The following NRG1 variants were observed in gnomAD, a reference collection of about 807,000 sequenced individuals.
The protein encoded by NRG1 is pro-neuregulin-1, membrane-bound isoform.
Under a neutral mutation model 63.8 loss-of-function variants are expected in NRG1, and 18 were observed. The ratio of observed to expected loss-of-function variants is 0.28; its 90% confidence interval spans 0.19 to 0.42. NRG1 has a LOEUF of 0.42. Ranked by LOEUF, NRG1 falls within the 10% of genes least tolerant of loss-of-function variation. The pLI is 1.00. For synonymous variants in NRG1, 302 were observed against 301.3 expected (o/e 1.00, Z -0.02); for missense variants, 762 against 814.7 (o/e 0.94, Z 0.79).
Position 32,285,203 on chromosome 8 carries a change from G to C in NRG1, c.38-310625G>C, listed in dbSNP as rs191365274. Among the ~76,000 whole-genome samples, 113 of 152,160 alleles carry C rather than the reference G, an allele frequency of 7.4e-4. 1 individual carries two copies. The Middle Eastern group carries it at 0.014, about 18-fold the overall frequency. On this transcript the variant is annotated intron_variant, in intron 1 of 10. Coordinates refer to the NRG1 transcript ENST00000519301. The stretch of plus-strand genomic sequence containing the variant: ...AAATCAGGCATTCTAAACTGGAAAG[G>C]GCCTTTGATTATTTAGCCCAAATGC...
At chr8:31,760,900 C>G (rs1476808219) in intron 1 of NRG1, among the ~76,000 whole-genome samples, 1 of 151,804 alleles carries the variant, frequency 6.6e-6, no homozygotes, top group Non-Finnish European at 1.5e-5. Context: ...GTGGCGATTC[C>G]TCAGGGATCT....
At chr8:32,119,839 A>G (rs1267913926) in intron 1 of NRG1, among the ~76,000 whole-genome samples, 2 of 152,126 alleles carry the variant, frequency 1.3e-5, no homozygotes, top group Non-Finnish European at 2.9e-5. Flanking sequence ...ATGTGACCAC[A>G]AAAATAAACT....
intron 1 of NRG1, among the ~76,000 whole-genome samples, chr8:31,850,629 C>T (rs1586801157): frequency 6.6e-6 from 1 of 152,206 alleles, no homozygotes; most frequent in African/African-American, 2.4e-5. Context: ...TCTCTTGCCT[C>T]TCTTCTTAGC....
chr8:31,956,239 A>G (rs1190365390), intron 1 of NRG1, among the ~76,000 whole-genome samples: 2 of 151,514 alleles, frequency 1.3e-5, no homozygotes, highest in Admixed American at 6.6e-5. Flanking sequence ...TGAGAGAGAA[A>G]GAGAGTCAGT....
intron 1 of NRG1, chr8:32,098,741 G>A (rs773681225): frequency 5.3e-5 from 8 of 152,110 alleles, no homozygotes; most frequent in Non-Finnish European, 2.9e-5. Flanking sequence ...GAGGAAGAAG[G>A]GCACCTGGAG....
chr8:32,066,450 T>A (rs1824831837), intron 1 of NRG1, among the ~76,000 whole-genome samples: 1 of 152,224 alleles, frequency 6.6e-6, no homozygotes, highest in Non-Finnish European at 1.5e-5. Context: ...GGGAATCCTT[T>A]CCCCATTTTC....
chr8:31,785,667 A>C (rs887631604), intron 1 of NRG1, among the ~76,000 whole-genome samples: 6 of 152,158 alleles, frequency 3.9e-5, no homozygotes, highest in Non-Finnish European at 8.8e-5. Flanking sequence ...CAGACACTTA[A>C]ATTGAAAATT....
At chr8:32,301,516 C>A (rs1450002390) in intron 1 of NRG1, among the ~76,000 whole-genome samples, 1 of 152,128 alleles carries the variant, frequency 6.6e-6, no homozygotes, top group African/African-American at 2.4e-5. Context: ...CAAGGGCCCT[C>A]TATTAGTCCA....
intron 1 of NRG1, among the ~76,000 whole-genome samples, chr8:32,156,516 A>G (rs1384840768): frequency 6.6e-6 from 1 of 152,210 alleles, no homozygotes; most frequent in African/African-American, 2.4e-5. Context: ...CATAATATCT[A>G]ATGCATAGAA....
chr8:32,249,023 C>G (rs1404231822), intron 1 of NRG1, among the ~76,000 whole-genome samples: 1 of 152,042 alleles, frequency 6.6e-6, no homozygotes, highest in Non-Finnish European at 1.5e-5. Context: ...TCCTCAACTT[C>G]TGGGAATTTG....
At chr8:31,717,891 A>C (rs1304545155) in intron 1 of NRG1, among the ~76,000 whole-genome samples, 1 of 152,302 alleles carries the variant, frequency 6.6e-6, no homozygotes, top group Non-Finnish European at 1.5e-5. Flanking sequence ...GTTGGGAATT[A>C]CCACTCTGGA....
intron 1 of NRG1, among the ~76,000 whole-genome samples, chr8:31,782,232 G>C (rs774281711): frequency 1.3e-4 from 20 of 152,082 alleles, no homozygotes; most frequent in Admixed American, 2.6e-4. Flanking sequence ...GAGGATGTTT[G>C]CTGCCTTACC....
chr8:32,171,841 C>A (rs889525593), intron 1 of NRG1, among the ~76,000 whole-genome samples: 4 of 152,056 alleles, frequency 2.6e-5, no homozygotes, highest in Non-Finnish European at 5.9e-5. Context: ...GTAAACAAAG[C>A]GGCCAGGAAG....
At chr8:32,676,893 G>A (rs1331336144) in intron 5 of NRG1, among the ~76,000 whole-genome samples, 1 of 152,098 alleles carries the variant, frequency 6.6e-6, no homozygotes, top group Non-Finnish European at 1.5e-5. Context: ...TGAGATTTAT[G>A]TCACTATTCA....
chr8:31,953,652 A>G (rs905381180), intron 1 of NRG1, among the ~76,000 whole-genome samples: 5 of 152,224 alleles, frequency 3.3e-5, no homozygotes, highest in African/African-American at 1.2e-4. Context: ...ACTTGGCAAT[A>G]TATAAATAGA....
intron 1 of NRG1, among the ~76,000 whole-genome samples, chr8:32,345,320 C>A (rs1018729729): frequency 6.6e-6 from 1 of 152,074 alleles, no homozygotes; most frequent in African/African-American, 2.4e-5. Context: ...TGTCTGGAAG[C>A]TAACTATGTA....
intron 1 of NRG1, among the ~76,000 whole-genome samples, chr8:32,492,582 T>A (rs950272557): frequency 3.9e-5 from 6 of 152,182 alleles, no homozygotes; most frequent in Non-Finnish European, 4.4e-5. Flanking sequence ...TAACTTAGAA[T>A]GGATCCTTTA....
At chr8:32,194,528 A>G (rs17695276) in intron 1 of NRG1, among the ~76,000 whole-genome samples, 13,482 of 152,118 alleles carry the variant, frequency 0.089, 788 homozygotes, top group Middle Eastern at 0.14. Context: ...GCAGAAGCAA[A>G]TATCAGCCTT....
At chr8:31,664,791 T>G (rs1291934833) in intron 1 of NRG1, among the ~76,000 whole-genome samples, 1 of 152,158 alleles carries the variant, frequency 6.6e-6, no homozygotes, top group Non-Finnish European at 1.5e-5. Context: ...CTGGTAAAAC[T>G]CAGTCATATT....
Sources: allele counts gnomAD v4.1 joint callset (sites outside exome capture counted in the v4.1 genomes callset), GRCh38; gene constraint gnomAD v4.1.1; transcripts MANE v1.5; gene names NCBI Gene and HGNC (gene_info 2026-07-23, HGNC 2026-07-21).